The following ADAM12 variants were observed in gnomAD, a reference collection of about 807,000 sequenced individuals.
ADAM12 encodes disintegrin and metalloproteinase domain-containing protein 12.
ADAM12 carries 70 observed loss-of-function variants against 106.4 expected under a neutral mutation model. The observed-to-expected ratio is 0.66, with a 90% CI of 0.54 to 0.80. The LOEUF (loss-of-function observed/expected upper bound fraction) is 0.80, where lower values mean the gene tolerates loss of function less well. ADAM12 is among the 30% of genes least tolerant of loss of function. The pLI is 0.00. For synonymous variants in ADAM12, 420 were observed against 433.5 expected, an observed-to-expected ratio of 0.97 and a Z score of 0.39; for missense variants, 1,010 against 1,171.9, an observed-to-expected ratio of 0.86 and a Z score of 2.02.
chr10:126,307,252 G>A (rs528863481), intron 2 of ADAM12, among the ~76,000 whole-genome samples: 24 of 152,220 alleles, frequency 1.6e-4, no homozygotes, highest in Non-Finnish European at 2.9e-4. Flanking sequence ...TTTCGTTTTT[G>A]CTGTTTTACC....
intron 16 of ADAM12, among the ~76,000 whole-genome samples, chr10:126,047,313 G>A (rs1214295855): frequency 6.6e-6 from 1 of 152,174 alleles, no homozygotes; most frequent in Admixed American, 6.5e-5. Flanking sequence ...TTTGGGAGAA[G>A]CGCTGGCCCA....
chr10:126,293,057 T>C (rs1960225847), intron 2 of ADAM12, among the ~76,000 whole-genome samples: 1 of 152,176 alleles, frequency 6.6e-6, no homozygotes. Flanking sequence ...GAACCATTGT[T>C]GCTCGACCAA....
At chr10:126,140,891 G>T (rs1258842843) in intron 4 of ADAM12, among the ~76,000 whole-genome samples, 2 of 152,192 alleles carry the variant, frequency 1.3e-5, no homozygotes, top group African/African-American at 4.8e-5. Flanking sequence ...ACCCCTGGGG[G>T]TGGGGGGTGA....
In ADAM12 at chr10:126,019,701, G is replaced by T; in HGVS notation, c.2654C>A (p.Pro885His). ...GQWETGLRLA[P>H]LRPAPQYPHQ... ...CATGGCATGTCACACAAACCTGAGGGGTGCCAGGCGGAGCCCAGTCTCCCA... is the reference window on the plus strand; with the variant it reads ...CATGGCATGTCACACAAACCTGAGGTGTGCCAGGCGGAGCCCAGTCTCCCA... The change falls in exon 22 of 23, where the codon CCC becomes CAC. Residue 885 changes from proline to histidine, a missense_variant. This residue lies in a region of ADAM12 where 615 missense variants were observed against 708.5 expected (regional missense o/e 0.87). Coordinates refer to ENST00000448723, the MANE Select transcript of ADAM12 (RefSeq NM_001288973.2). 2 of 1,613,690 alleles carry T rather than the reference G, an allele frequency of 1.2e-6. No homozygotes were observed. The highest frequency in any genetic ancestry group is 1.7e-6 in the Non-Finnish European group (2 of 1,179,704).
At chr10:126,027,811 C>G (rs557806328) in intron 21 of ADAM12, among the ~76,000 whole-genome samples, 64 of 152,154 alleles carry the variant, frequency 4.2e-4, no homozygotes, top group Non-Finnish European at 8.1e-4. Flanking sequence ...GATGCCCTCT[C>G]TCACCACTCC....
chr10:126,107,201 G>C (rs967106146), intron 8 of ADAM12, among the ~76,000 whole-genome samples: 1 of 152,122 alleles, frequency 6.6e-6, no homozygotes, highest in African/African-American at 2.4e-5. Context: ...TATGCTCACA[G>C]TGAAACTGAA....
intron 10 of ADAM12, among the ~76,000 whole-genome samples, chr10:126,097,629 A>G (rs1955580776): frequency 6.6e-6 from 1 of 152,198 alleles, no homozygotes; most frequent in African/African-American, 2.4e-5. Flanking sequence ...ATGGAGATGG[A>G]AGAATGGTCT....
chr10:126,041,409 T>C (rs1406372987), intron 18 of ADAM12: 1 of 985,592 alleles, frequency 1.0e-6, no homozygotes, highest in African/African-American at 1.7e-5. Flanking sequence ...TCTTACATTG[T>C]TTTCACTTTT....
At chr10:126,286,328 C>T (rs1565191480) in intron 2 of ADAM12, among the ~76,000 whole-genome samples, 1 of 152,042 alleles carries the variant, frequency 6.6e-6, no homozygotes, top group Non-Finnish European at 1.5e-5. Context: ...GATTTGGGGT[C>T]AACAGCCAAG....
chr10:126,149,716 C>T (rs1956695856), intron 4 of ADAM12, among the ~76,000 whole-genome samples: 2 of 152,160 alleles, frequency 1.3e-5, no homozygotes, highest in African/African-American at 2.4e-5. Flanking sequence ...CATCGGACTT[C>T]AAGTTCTTCA....
At chr10:126,050,498 T>C (rs905819545) in intron 14 of ADAM12, among the ~76,000 whole-genome samples, 2 of 152,164 alleles carry the variant, frequency 1.3e-5, no homozygotes, top group Non-Finnish European at 2.9e-5. Context: ...CGTGGTCCCT[T>C]TTCTCTCCCT....
At chr10:126,251,201 T>C (rs4962533) in intron 3 of ADAM12, among the ~76,000 whole-genome samples, 137,003 of 152,250 alleles carry the variant, frequency 0.9, 63,307 homozygotes, top group East Asian at 1. Context: ...CCCCAAGTGG[T>C]CTGGTCCTCG....
intron 21 of ADAM12, among the ~76,000 whole-genome samples, chr10:126,034,162 A>G (rs930259031): frequency 1.3e-5 from 2 of 152,236 alleles, no homozygotes; most frequent in Non-Finnish European, 2.9e-5. Context: ...ATTGACTAGT[A>G]GACTGTGATA....
intron 3 of ADAM12, among the ~76,000 whole-genome samples, chr10:126,257,077 G>C (rs752229005): frequency 6.6e-6 from 1 of 152,192 alleles, no homozygotes. Flanking sequence ...GGCCTGCAGT[G>C]CCCACTCTCA....
rs555214060 is a variant in ADAM12, at chr10:126,146,221, G to C, written c.339+9006C>G. Among the ~76,000 whole-genome samples the C allele has an allele frequency of 4.6e-5, 7 of 152,322 alleles. No individual in the cohort carries two copies. The East Asian group carries it at 1.3e-3, about 29-fold the overall frequency. On this transcript the variant is annotated intron_variant, in intron 4 of 22. Transcript: ENST00000448723. ...CCACGGGACTTGGGTGAAGACCCAA[G>C]GGAGAGAAGGCACTGGTGTTGAGTG...
chr10:126,168,121 G>C (rs1179718327), intron 3 of ADAM12, among the ~76,000 whole-genome samples: 1 of 152,224 alleles, frequency 6.6e-6, no homozygotes, highest in Non-Finnish European at 1.5e-5. Context: ...AAATATTCAA[G>C]TGGAGAGAGG....
Position 126,066,975 on chromosome 10 carries a change from T to G in ADAM12, c.1324-169A>C, listed in dbSNP as rs1278280. Reference sequence around the variant, plus strand: ...CTGTTAGGAAAGCAAAGCTTCTGCTTTTTATGAACCAACTGGGTCTACGAG... The same window carrying G: ...CTGTTAGGAAAGCAAAGCTTCTGCTGTTTATGAACCAACTGGGTCTACGAG... On this transcript the variant is annotated intron_variant, in intron 12 of 22. Transcript: ENST00000448723. This position sits in a 1 kb window ranked among gnomAD's most constrained non-coding sequence, Gnocchi z 5.1. The G allele has an allele frequency of 0.7, 450,332 of 638,884 alleles. 162,492 individuals carry two copies. Among genetic ancestry groups the G allele is most frequent in the African/African-American group, 0.94 (51,235 of 54,796 alleles). The allele number at this position is 638,884 out of a possible 1,614,324, so 39.6% of individuals were successfully genotyped here. A position where few individuals can be genotyped will look rare whatever the true frequency, so the allele number is the denominator to read the frequency against.
chr10:126,082,175 C>T (rs945680137), intron 11 of ADAM12, among the ~76,000 whole-genome samples: 2 of 152,178 alleles, frequency 1.3e-5, no homozygotes, highest in Non-Finnish European at 2.9e-5. Flanking sequence ...TTACCTGCTA[C>T]GCAGCTGTGG....
At chr10:126,143,068 T>C (rs1956546605) in intron 4 of ADAM12, among the ~76,000 whole-genome samples, 1 of 145,782 alleles carries the variant, frequency 6.9e-6, no homozygotes, top group African/African-American at 2.5e-5. Context: ...CACATGTGCA[T>C]ATGTGTGCAT....
Sources: allele counts gnomAD v4.1 joint callset (sites outside exome capture counted in the v4.1 genomes callset), GRCh38; gene constraint gnomAD v4.1.1; regional missense constraint gnomAD v4.1.1; non-coding constraint Gnocchi (gnomAD v3.1); transcripts MANE v1.5; gene names NCBI Gene and HGNC (gene_info 2026-07-23, HGNC 2026-07-21).